MAP3K7CL: variants seen among roughly 807,000 people sequenced by gnomAD.
MAP3K7CL encodes the protein MAP3K7 C-terminal like.
Under a neutral mutation model 18.6 loss-of-function variants are expected in MAP3K7CL, and 16 were observed. That is an observed-to-expected ratio of 0.86 (90% CI 0.58 to 1.31). The LOEUF (loss-of-function observed/expected upper bound fraction) is 1.31. Ranked by LOEUF, MAP3K7CL falls within the 50% of genes most tolerant of loss-of-function variation. MAP3K7CL has a pLI of 0.00. For synonymous variants in MAP3K7CL, 65 were observed against 66.8 expected (o/e 0.97, Z 0.13); for missense variants, 163 against 174.4 (o/e 0.93, Z 0.37).
chr21:29,083,637 C>G (rs546468637), upstream of MAP3K7CL, among the ~76,000 whole-genome samples: 20 of 152,170 alleles, frequency 1.3e-4, no homozygotes, highest in South Asian at 3.9e-3. Context: ...AAACTTAGAG[C>G]CAAATGTGTA....
At position 29,130,769 on chromosome 21, in the gene MAP3K7CL, C is replaced by A; in HGVS notation, c.-194C>A. ...GGGCAGAGCAGGTAGCAGCGTGCTG[C>A]CCTGACAGCTGTCTCCGCTCCTCAG... On this transcript the variant is annotated 5_prime_UTR_variant, in exon 1 of 5. Transcript: ENST00000399928. The A allele has an allele frequency of 1.0e-6, 1 of 985,524 alleles. No homozygotes were observed. Among genetic ancestry groups the A allele is most frequent in the Non-Finnish European group, 1.2e-6 (1 of 830,016 alleles). 61.0% of individuals were successfully genotyped at this position (985,524 alleles called of 1,614,324 possible).
chr21:29,105,329 C>T (rs1028393360), intron 4 of MAP3K7CL, among the ~76,000 whole-genome samples: 1 of 152,234 alleles, frequency 6.6e-6, no homozygotes, highest in Non-Finnish European at 1.5e-5. Flanking sequence ...GATTAACATT[C>T]AACAGATCTG....
intron 4 of MAP3K7CL, among the ~76,000 whole-genome samples, chr21:29,167,059 A>G (rs186887307): frequency 2.6e-5 from 4 of 152,302 alleles, no homozygotes; most frequent in Admixed American, 6.5e-5. Context: ...ATCTTTGCCA[A>G]CACTTCTTGT....
At chr21:29,091,653 C>T in intron 2 of MAP3K7CL, 1 of 696,730 alleles carries the variant, frequency 1.4e-6, no homozygotes, top group Non-Finnish European at 2.6e-6. Context: ...GTTTTTCTTT[C>T]TTTTTTTTTC....
chr21:29,159,501 G>A (rs949896215), intron 3 of MAP3K7CL, among the ~76,000 whole-genome samples: 1 of 152,208 alleles, frequency 6.6e-6, no homozygotes, highest in Non-Finnish European at 1.5e-5. Context: ...TCTGCAAGAT[G>A]AGATTATACC....
intron 4 of MAP3K7CL, among the ~76,000 whole-genome samples, chr21:29,106,022 C>T (rs1202083570): frequency 6.6e-6 from 1 of 152,130 alleles, no homozygotes; most frequent in African/African-American, 2.4e-5. Flanking sequence ...ACCTCCCTGT[C>T]TTCTCATCTG....
chr21:29,108,772 C>A (rs1282143283), intron 4 of MAP3K7CL, among the ~76,000 whole-genome samples: 2 of 152,140 alleles, frequency 1.3e-5, no homozygotes, highest in Non-Finnish European at 2.9e-5. Context: ...AGATGTTTTG[C>A]AAACTGTAAA....
intron 1 of MAP3K7CL, among the ~76,000 whole-genome samples, chr21:29,089,168 C>CAAAAAAAAAAAAAAAAAA (rs748166183): frequency 4.4e-5 from 3 of 68,532 alleles, no homozygotes; most frequent in Admixed American, 2.1e-4. Context: ...GACTCCGTCT[C>CAAAAAAAAAAAAAAAAAA]AAAAAAAAAA....
intron 4 of MAP3K7CL, chr21:29,109,298 TTTAA>T (rs1364524217): frequency 6.7e-7 from 1 of 1,481,772 alleles, no homozygotes; most frequent in Non-Finnish European, 9.0e-7. Context: ...TTTGTGCCCA[TTTAA>T]TTAATGCCAT....
At chr21:29,162,575 C>T (rs1230964874) in intron 4 of MAP3K7CL, among the ~76,000 whole-genome samples, 8 of 150,016 alleles carry the variant, frequency 5.3e-5, no homozygotes, top group Admixed American at 4.0e-4. Context: ...CCCAGCTACT[C>T]GGGAGGCTGA....
At chr21:29,086,003 G>T in intron 1 of MAP3K7CL, 3 of 1,453,396 alleles carry the variant, frequency 2.1e-6, no homozygotes, top group Admixed American at 1.7e-5. Context: ...AAAAATGTAG[G>T]AAAGAAGCAG....
At chr21:29,097,429 A>G (rs1038792028) in intron 4 of MAP3K7CL, among the ~76,000 whole-genome samples, 1 of 152,188 alleles carries the variant, frequency 6.6e-6, no homozygotes, top group African/African-American at 2.4e-5. Context: ...TATTGTTCAT[A>G]AAACATAGGA....
chr21:29,151,389 G>A (rs1010265647), intron 3 of MAP3K7CL, among the ~76,000 whole-genome samples: 15 of 152,050 alleles, frequency 9.9e-5, no homozygotes, highest in African/African-American at 2.7e-4. Flanking sequence ...ACCAGGAGGC[G>A]GAGGTTGCAG....
chr21:29,115,421 T>C (rs1354746132), intron 4 of MAP3K7CL, among the ~76,000 whole-genome samples: 2 of 152,202 alleles, frequency 1.3e-5, no homozygotes, highest in Non-Finnish European at 2.9e-5. Flanking sequence ...ACATTCTTTT[T>C]AGTAGAGGGC....
At chr21:29,157,606 C>T (rs2087437860) in intron 3 of MAP3K7CL, among the ~76,000 whole-genome samples, 1 of 152,170 alleles carries the variant, frequency 6.6e-6, no homozygotes, top group African/African-American at 2.4e-5. Flanking sequence ...CATGATCATG[C>T]TGCTGAAAGC....
intron 3 of MAP3K7CL, among the ~76,000 whole-genome samples, chr21:29,154,713 C>A (rs766116966): frequency 1.3e-5 from 2 of 152,220 alleles, no homozygotes; most frequent in Non-Finnish European, 2.9e-5. Context: ...TGGTCTTTAA[C>A]ATCCATCTGG....
chr21:29,100,521 G>A (rs4817267), intron 4 of MAP3K7CL, among the ~76,000 whole-genome samples: 135,875 of 152,070 alleles, frequency 0.89, 61,042 homozygotes, highest in African/African-American at 0.97. Context: ...GCTGTTTTGA[G>A]TTTGGGAAAG....
intron 4 of MAP3K7CL, among the ~76,000 whole-genome samples, chr21:29,105,696 C>T (rs2086308903): frequency 6.6e-6 from 1 of 152,072 alleles, no homozygotes; most frequent in Admixed American, 6.6e-5. Flanking sequence ...TCATAAATCT[C>T]GTCTTAGAAG....
chr21:29,098,454 G>T (rs371456680), intron 4 of MAP3K7CL, among the ~76,000 whole-genome samples: 6 of 152,022 alleles, frequency 3.9e-5, no homozygotes, highest in Admixed American at 3.9e-4. Flanking sequence ...CAGCTGGAAT[G>T]ATTTTTAAAA....
Sources: allele counts gnomAD v4.1 joint callset (sites outside exome capture counted in the v4.1 genomes callset), GRCh38; gene constraint gnomAD v4.1.1; transcripts MANE v1.5; gene names NCBI Gene and HGNC (gene_info 2026-07-23, HGNC 2026-07-21).